The following VAV3 variants were observed in gnomAD, a reference collection of about 807,000 sequenced individuals.
The protein encoded by VAV3 is vav guanine nucleotide exchange factor 3.
In VAV3, 94 loss-of-function variants were observed where a neutral mutation model predicts 131.2. That is an observed-to-expected ratio of 0.72 (90% confidence interval 0.61 to 0.85). The LOEUF (loss-of-function observed/expected upper bound fraction) is 0.85. Among genes scored for constraint, VAV3 ranks in the 40% least tolerant of loss-of-function variants. The pLI is 0.00. For synonymous variants in VAV3, 349 were observed against 342.0 expected (o/e 1.02, Z -0.22); for missense variants, 939 against 1,002.7 (o/e 0.94, Z 0.86).
chr1:107,764,061 G>A (rs1406843584), intron 9 of VAV3, among the ~76,000 whole-genome samples: 1 of 134,886 alleles, frequency 7.4e-6, no homozygotes, highest in Non-Finnish European at 1.6e-5. Context: ...TGAAGTCCTC[G>A]AACTCCTCTT....
chr1:107,852,992 G>A (rs1284959470), intron 2 of VAV3, among the ~76,000 whole-genome samples: 1 of 151,944 alleles, frequency 6.6e-6, no homozygotes, highest in East Asian at 1.9e-4. Flanking sequence ...ATGAAGGCTT[G>A]TAGGTTTTTT....
rs1649436094 is a variant in VAV3, at chr1:107,573,975, C to A, written c.2502+72G>T. Reference sequence around the variant, plus strand: ...ACAGTATAGAGGCTTCTCCCTGGTGCCACAATGGGTGCAAACAACTGCTCA... The same window carrying A: ...ACAGTATAGAGGCTTCTCCCTGGTGACACAATGGGTGCAAACAACTGCTCA... On this transcript the variant is annotated intron_variant, in intron 26 of 26. Transcript: ENST00000370056. The A allele has an allele frequency of 2.5e-6, 4 of 1,572,508 alleles. No individual in the cohort carries two copies. In the East Asian group the frequency reaches 6.7e-5, roughly 26 times the overall value.
In VAV3 at chr1:107,744,219, T is replaced by C. The variant is rs537964483; in HGVS notation, c.1502+4749A>G. ...TTCGTCCCACTACCATTAGTCCTTG[T>C]GTTTAAAAGATAAACATCCTGGGCT... On this transcript the variant is annotated intron_variant, in intron 15 of 26. Coordinates refer to ENST00000370056, the MANE Select transcript of VAV3 (RefSeq NM_006113.5). Among the ~76,000 whole-genome samples, 7 of 152,344 alleles carry C rather than the reference T, an allele frequency of 4.6e-5. No homozygotes were observed. The East Asian group carries it at 7.7e-4, about 17-fold the overall frequency.
At chr1:107,850,301 G>T (rs1382958413) in intron 2 of VAV3, among the ~76,000 whole-genome samples, 1 of 152,100 alleles carries the variant, frequency 6.6e-6, no homozygotes, top group Admixed American at 6.5e-5. Flanking sequence ...ATTCACAATA[G>T]CAAAGACTTC....
intron 15 of VAV3, among the ~76,000 whole-genome samples, chr1:107,715,774 A>G (rs974096882): frequency 6.6e-6 from 1 of 152,190 alleles, no homozygotes; most frequent in Non-Finnish European, 1.5e-5. Context: ...TAAGAAATCA[A>G]TTCTAGAGAA....
chr1:107,779,167 T>C (rs1310488337), intron 3 of VAV3, among the ~76,000 whole-genome samples: 1 of 142,794 alleles, frequency 7.0e-6, no homozygotes, highest in Non-Finnish European at 1.5e-5. Flanking sequence ...TGGAGGAAAG[T>C]TAAAAAAAAA....
At chr1:107,773,607 A>G (rs1335692304) in intron 4 of VAV3, among the ~76,000 whole-genome samples, 1 of 152,212 alleles carries the variant, frequency 6.6e-6, no homozygotes, top group Admixed American at 6.5e-5. Context: ...TGGGACAACC[A>G]GACTTGGTGA....
intron 2 of VAV3, among the ~76,000 whole-genome samples, chr1:107,811,280 A>G (rs963860951): frequency 4.6e-5 from 7 of 152,298 alleles, no homozygotes; most frequent in Non-Finnish European, 8.8e-5. Flanking sequence ...GATGCTTTAC[A>G]CTCACAGATG....
At chr1:107,792,090 A>G (rs1570960729) in intron 2 of VAV3, among the ~76,000 whole-genome samples, 1 of 152,296 alleles carries the variant, frequency 6.6e-6, no homozygotes, top group Middle Eastern at 3.4e-3. Context: ...CAAGGAATGT[A>G]AGTACTTCAA....
In VAV3 at chr1:107,886,298, A is replaced by G. The variant is rs12074926; in HGVS notation, c.205-11281T>C. Among the ~76,000 whole-genome samples, 628 of 152,338 alleles carry G rather than the reference A, an allele frequency of 4.1e-3. 5 individuals carry two copies. Among genetic ancestry groups the G allele is most frequent in the African/African-American group, 0.014 (590 of 41,578 alleles). Reference sequence around the variant, plus strand: ...ATGCCATTATTCCATTCTATCCATAATGAAACTGAGATGCCACAAATAACC... The same window carrying G: ...ATGCCATTATTCCATTCTATCCATAGTGAAACTGAGATGCCACAAATAACC... On this transcript the variant is annotated intron_variant, in intron 1 of 26. Coordinates refer to ENST00000370056, the MANE Select transcript of VAV3 (RefSeq NM_006113.5).
chr1:107,958,005 A>G (rs988191510), intron 1 of VAV3, among the ~76,000 whole-genome samples: 1 of 152,190 alleles, frequency 6.6e-6, no homozygotes, highest in African/African-American at 2.4e-5. Flanking sequence ...AACCTAGGTT[A>G]AGCCACCAAT....
chr1:107,658,112 C>A (rs1656714946), intron 19 of VAV3, among the ~76,000 whole-genome samples: 1 of 152,152 alleles, frequency 6.6e-6, no homozygotes, highest in African/African-American at 2.4e-5. Context: ...AAATTAATGG[C>A]CTCAATAAAG....
At chr1:107,631,254 T>C (rs1654456602) in intron 20 of VAV3, among the ~76,000 whole-genome samples, 1 of 152,014 alleles carries the variant, frequency 6.6e-6, no homozygotes, top group Admixed American at 6.6e-5. Flanking sequence ...AATATGAGTA[T>C]TACAATTTTA....
intron 20 of VAV3, among the ~76,000 whole-genome samples, chr1:107,628,562 T>C (rs1654212505): frequency 1.3e-5 from 2 of 152,196 alleles, no homozygotes; most frequent in Admixed American, 1.3e-4. Context: ...CAACTTACTT[T>C]CTGACTTTTT....
intron 15 of VAV3, among the ~76,000 whole-genome samples, chr1:107,708,480 C>G (rs1010696932): frequency 1.3e-5 from 2 of 152,150 alleles, no homozygotes; most frequent in Admixed American, 6.6e-5. Flanking sequence ...ATGAATATAA[C>G]TAATCAGGCA....
At chr1:107,728,223 G>C (rs1003438488) in intron 15 of VAV3, among the ~76,000 whole-genome samples, 1 of 152,098 alleles carries the variant, frequency 6.6e-6, no homozygotes, top group Non-Finnish European at 1.5e-5. Flanking sequence ...CAAAGATATA[G>C]AGCAAAGAGT....
intron 17 of VAV3, among the ~76,000 whole-genome samples, chr1:107,696,460 T>C (rs960690747): frequency 1.3e-5 from 2 of 152,200 alleles, no homozygotes; most frequent in African/African-American, 2.4e-5. Context: ...CTTTTTGGAA[T>C]TGCCTTTCAC....
At chr1:107,716,665 T>C (rs1383297559) in intron 15 of VAV3, among the ~76,000 whole-genome samples, 3 of 152,206 alleles carry the variant, frequency 2.0e-5, no homozygotes, top group African/African-American at 7.2e-5. Flanking sequence ...TTCACATCGA[T>C]GTTCATCAGG....
At chr1:107,625,412 A>T (rs1461138672) in intron 20 of VAV3, among the ~76,000 whole-genome samples, 1 of 152,014 alleles carries the variant, frequency 6.6e-6, no homozygotes, top group Non-Finnish European at 1.5e-5. Flanking sequence ...GATTACAGGC[A>T]CATACCACCA....
Sources: allele counts gnomAD v4.1 joint callset (sites outside exome capture counted in the v4.1 genomes callset), GRCh38; gene constraint gnomAD v4.1.1; transcripts MANE v1.5; gene names NCBI Gene and HGNC (gene_info 2026-07-23, HGNC 2026-07-21).